The following SCO1 variants were observed in gnomAD, a reference collection of about 807,000 sequenced individuals.
SCO1 encodes synthesis of cytochrome C oxidase 1.
Under a neutral mutation model 34.0 loss-of-function variants are expected in SCO1, and 23 were observed. That is an observed-to-expected ratio of 0.68 (90% CI 0.49 to 0.96). The LOEUF (loss-of-function observed/expected upper bound fraction) is 0.96, where lower values mean the gene tolerates loss of function less well. Among genes scored for constraint, SCO1 ranks in the 40% least tolerant of loss-of-function variants. The pLI is 0.00. For synonymous variants in SCO1, 161 were observed against 145.5 expected, an observed-to-expected ratio of 1.11 and a Z score of -0.77; for missense variants, 404 against 381.6, an observed-to-expected ratio of 1.06 and a Z score of -0.49.
intron 4 of SCO1, among the ~76,000 whole-genome samples, chr17:10,688,842 C>A (rs1406698028): frequency 7.1e-6 from 1 of 140,992 alleles, no homozygotes; most frequent in Admixed American, 6.8e-5. Flanking sequence ...GCAGGCCGGG[C>A]GCGGTGGCTC....
intron 1 of SCO1, among the ~76,000 whole-genome samples, 195 bp downstream of exon 1, chr17:10,697,040 T>C (rs1205250804): frequency 6.6e-6 from 1 of 151,992 alleles, no homozygotes; most frequent in Non-Finnish European, 1.5e-5. Flanking sequence ...TCTCAAGTTC[T>C]CTGTGGAGAA....
intron 1 of SCO1, 116 bp downstream of exon 1, chr17:10,697,119 A>T: frequency 9.7e-7 from 1 of 1,032,732 alleles, no homozygotes; most frequent in Non-Finnish European, 1.4e-6. Context: ...CGCGCAAGCT[A>T]AGGACAACTT....
rs1243184508 is a variant in SCO1, at chr17:10,677,974, G to T, written c.*3145C>A. The stretch of plus-strand genomic sequence containing the variant: ...CTACTAAAAATACAAAATTAGCCGG[G>T]TGTGGTGGCACATGCTTGTAATCCC... On this transcript the variant is annotated 3_prime_UTR_variant, in exon 6 of 6. Coordinates refer to ENST00000255390, the MANE Select transcript of SCO1 (RefSeq NM_004589.4). 1 of 152,234 alleles carries T rather than the reference G, an allele frequency of 6.6e-6. No individual in the cohort carries two copies. The highest frequency in any genetic ancestry group is 1.5e-5 in the Non-Finnish European group (1 of 68,128). 9.4% of individuals were successfully genotyped at this position (152,234 alleles called of 1,614,324 possible). A position where few individuals can be genotyped will look rare whatever the true frequency, so the allele number is the denominator to read the frequency against.
At chr17:10,696,377 G>A (rs540726906) in intron 1 of SCO1, among the ~76,000 whole-genome samples, 25 of 152,156 alleles carry the variant, frequency 1.6e-4, no homozygotes, top group African/African-American at 5.8e-4. Context: ...CCCGGGAGGC[G>A]GACGTTGCAG....
intron 4 of SCO1, 60 bp from the exon 5 acceptor site, chr17:10,686,902 C>G: frequency 9.1e-7 from 1 of 1,104,850 alleles, no homozygotes; most frequent in Non-Finnish European, 1.4e-6. Context: ...ACCATCTCTA[C>G]TTCAAAAAAT....
Position 10,675,036 on chromosome 17 carries a change from TC to T in SCO1, c.*6082del. On this transcript the variant is annotated 3_prime_UTR_variant, in exon 6 of 6. Coordinates refer to ENST00000255390, the MANE Select transcript of SCO1 (RefSeq NM_004589.4). ...AGTTTGCTCCTCCTCAGTGTCAGGG[TC>T]CCAGGGCCCTAGAAGTCTCTAAAAG... 1 of 152,330 alleles carries T rather than the reference TC, an allele frequency of 6.6e-6. No individual in the cohort carries two copies. Among genetic ancestry groups the T allele is most frequent in the Non-Finnish European group, 1.5e-5 (1 of 68,078 alleles). 9.4% of individuals were successfully genotyped at this position (152,330 alleles called of 1,614,324 possible). A position where few individuals can be genotyped will look rare whatever the true frequency, so the allele number is the denominator to read the frequency against.
chr17:10,695,692 T>C (rs777570722), intron 2 of SCO1, 49 bp downstream of exon 2: 3 of 1,338,596 alleles, frequency 2.2e-6, no homozygotes, highest in African/African-American at 1.4e-5. Context: ...TGCTAGTCCA[T>C]AGCCAGGAAG....
intron 1 of SCO1, among the ~76,000 whole-genome samples, chr17:10,696,944 G>C (rs1301526350): frequency 7.1e-6 from 1 of 140,928 alleles, no homozygotes; most frequent in South Asian, 2.2e-4. Context: ...AAGAAAACCT[G>C]AAACTTAATT....
chr17:10,692,380 G>C (rs773192462), intron 3 of SCO1, among the ~76,000 whole-genome samples: 6 of 152,158 alleles, frequency 3.9e-5, no homozygotes, highest in Non-Finnish European at 8.8e-5. Flanking sequence ...TCACTGTATG[G>C]AGGAGGCACC....
rs151279533 is a variant in SCO1, at chr17:10,680,770, G to C, written c.*349C>G. On this transcript the variant is annotated 3_prime_UTR_variant, in exon 6 of 6. Transcript: ENST00000255390. ...TTGAGCAAGGGCCCAAGACGATGGA[G>C]AGGCGGCAAAGCTGCTGGGAGGGCC... 216 of 368,474 alleles carry C rather than the reference G, an allele frequency of 5.9e-4. No homozygotes were observed. The highest frequency in any genetic ancestry group is 4.0e-3 in the South Asian group (151 of 37,706). 22.8% of individuals were successfully genotyped at this position (368,474 alleles called of 1,614,324 possible).
intron 5 of SCO1, among the ~76,000 whole-genome samples, chr17:10,685,273 CTT>C (rs2074648715): frequency 6.6e-6 from 1 of 152,282 alleles, no homozygotes; most frequent in African/African-American, 2.4e-5. Flanking sequence ...TAGAAAGGCT[CTT>C]AGGATTACTC....
chr17:10,684,182 A>G (rs1264082108), intron 5 of SCO1, among the ~76,000 whole-genome samples: 1 of 152,254 alleles, frequency 6.6e-6, no homozygotes, highest in African/African-American at 2.4e-5. Flanking sequence ...AGAAGTTTCC[A>G]TAAGACTTAC....
rs773230593 is a variant in SCO1 at position 10,691,979 on chromosome 17, CA to C, written c.563-16del. ...TGTAATGCTATCTGAAAGAGAGTTCCAATTAGTCCGTATTCACACCCTAAGG... is the reference window on the plus strand; with the variant it reads ...TGTAATGCTATCTGAAAGAGAGTTCCATTAGTCCGTATTCACACCCTAAGG... On this transcript the variant is annotated splice_polypyrimidine_tract_variant and intron_variant, in intron 3 of 5. Coordinates refer to ENST00000255390, the MANE Select transcript of SCO1 (RefSeq NM_004589.4). 6.4e-7 allele frequency: 1 copy of C among 1,563,710 alleles called. No individual in the cohort carries two copies. The highest frequency in any genetic ancestry group is 8.8e-7 in the Non-Finnish European group (1 of 1,134,496).
intron 3 of SCO1, 35 bp from the exon 4 acceptor site, chr17:10,691,999 C>G: frequency 7.0e-7 from 1 of 1,437,586 alleles, no homozygotes; most frequent in African/African-American, 1.4e-5. Flanking sequence ...GTATTCACAC[C>G]CTAAGGGAAA....
intron 5 of SCO1, among the ~76,000 whole-genome samples, chr17:10,681,522 T>C (rs2074621776): frequency 6.6e-6 from 1 of 152,218 alleles, no homozygotes. Context: ...TTAACATATT[T>C]ACCCACACAC....
At position 10,676,789 on chromosome 17, in the gene SCO1, T is replaced by G. The variant is rs1178841331; in HGVS notation, c.*4330A>C. On this transcript the variant is annotated 3_prime_UTR_variant, in exon 6 of 6. Transcript: ENST00000255390. ...AAATTTTCTTCCTTCAACTTTTCTG[T>G]ATGCCAAACTTTCTTTACTGAGGAT... The G allele has an allele frequency of 6.6e-6, 1 of 152,202 alleles. No homozygotes were observed. Among genetic ancestry groups the G allele is most frequent in the East Asian group, 1.9e-4 (1 of 5,188 alleles). The allele number at this position is 152,202 out of a possible 1,614,324, so 9.4% of individuals were successfully genotyped here.
In SCO1 at chr17:10,673,818, G is replaced by C. The variant is rs2074563391; in HGVS notation, c.*7301C>G. On this transcript the variant is annotated 3_prime_UTR_variant, in exon 6 of 6. Transcript: ENST00000255390. ...ATAACAACTCGATGGAGAAACGCTT[G>C]GTATACTGTGCTGAATAGAAGTTCT... 1 of 152,168 alleles carries C rather than the reference G, an allele frequency of 6.6e-6. No individual in the cohort carries two copies. The highest frequency in any genetic ancestry group is 1.5e-5 in the Non-Finnish European group (1 of 68,038). 9.4% of individuals were successfully genotyped at this position (152,168 alleles called of 1,614,324 possible).
At chr17:10,683,227 AT>A (rs937129648) in intron 5 of SCO1, among the ~76,000 whole-genome samples, 2 of 151,774 alleles carry the variant, frequency 1.3e-5, no homozygotes, top group East Asian at 1.9e-4. Context: ...ACTACCACTT[AT>A]TTTTTTTATA....
At chr17:10,690,550 T>C (rs2074683394) in intron 4 of SCO1, among the ~76,000 whole-genome samples, 1 of 152,116 alleles carries the variant, frequency 6.6e-6, no homozygotes, top group Non-Finnish European at 1.5e-5. Flanking sequence ...ATGCTGACAA[T>C]GATTCAGAAC....
Sources: allele counts gnomAD v4.1 joint callset (sites outside exome capture counted in the v4.1 genomes callset), GRCh38; gene constraint gnomAD v4.1.1; transcripts MANE v1.5; gene names NCBI Gene and HGNC (gene_info 2026-07-23, HGNC 2026-07-21).